The following PLIN3 variants were observed in gnomAD, a reference collection of about 807,000 sequenced individuals.
PLIN3 encodes perilipin-3.
A neutral mutation model predicts 35.9 loss-of-function variants in PLIN3; 30 were observed. The observed-to-expected ratio is 0.84, with a 90% CI of 0.62 to 1.13. The LOEUF is 1.13. Ranked by LOEUF, PLIN3 falls within the 50% of genes most tolerant of loss-of-function variation. The pLI is 0.00. For missense variants in PLIN3, 603 were observed against 596.9 expected, an observed-to-expected ratio of 1.01 and a Z score of -0.11; for synonymous variants, 261 against 262.5, an observed-to-expected ratio of 0.99 and a Z score of 0.06.
At position 4,839,186 on chromosome 19, in the gene PLIN3, C is replaced by G. The variant is rs1157587706; in HGVS notation, c.*6G>C. 1 of 1,593,662 alleles carries G rather than the reference C, an allele frequency of 6.3e-7. No individual in the cohort carries two copies. Among genetic ancestry groups the G allele is most frequent in the Admixed American group, 1.7e-5 (1 of 59,224 alleles). On this transcript the variant is annotated 3_prime_UTR_variant, in exon 8 of 8. Transcript: ENST00000221957. ...GACGGGGCCCGCTGAGTCCTCTCCT[C>G]TCCCCCTACTTCTTCTCCTCCGGGG... is the stretch of plus-strand genomic sequence containing the variant.
chr19:4,859,851 C>T lies in PLIN3; in HGVS notation c.240G>A (p.Pro80=), dbSNP rs370874870. 301 of 1,612,942 alleles carry T rather than the reference C, an allele frequency of 1.9e-4. No individual in the cohort carries two copies. Among genetic ancestry groups the T allele is most frequent in the Non-Finnish European group, 2.3e-4 (273 of 1,179,968 alleles). Residue 80 remains proline (P), a synonymous_variant, in exon 3 of 8, where the codon CCG becomes CCA. Coordinates refer to ENST00000221957, the MANE Select transcript of PLIN3 (RefSeq NM_005817.5). ...LTAAAVSGAQ[P]ILSKLEPQIA... is the part of the protein sequence containing the mutation. ...TCTGGGGCTCCAGCTTGGAGAGGAT[C>T]GGCTGAGCCCCGCTGACAGCAGCCG...
intron 7 of PLIN3, among the ~76,000 whole-genome samples, chr19:4,840,766 G>A (rs929964895): frequency 4.6e-5 from 7 of 152,100 alleles, no homozygotes; most frequent in Non-Finnish European, 8.8e-5. Flanking sequence ...CCAACATGGC[G>A]AAACCCGCAT....
chr19:4,840,774 C>T (rs942747627), intron 7 of PLIN3, among the ~76,000 whole-genome samples: 1 of 152,112 alleles, frequency 6.6e-6, no homozygotes, highest in African/African-American at 2.4e-5. Context: ...GCGAAACCCG[C>T]ATTTCTACTA....
chr19:4,864,462 T>TG (rs1436695285), intron 1 of PLIN3, among the ~76,000 whole-genome samples: 12 of 141,868 alleles, frequency 8.5e-5, no homozygotes, highest in Non-Finnish European at 1.8e-4. Flanking sequence ...TTTGTTTTTT[T>TG]TTTTGTTGTT....
intron 4 of PLIN3, among the ~76,000 whole-genome samples, chr19:4,853,044 C>T (rs931007007): frequency 6.6e-6 from 1 of 151,988 alleles, no homozygotes; most frequent in Non-Finnish European, 1.5e-5. Context: ...AAACTCCTGA[C>T]CTAGTGATCC....
At chr19:4,850,213 G>C (rs147745696) in intron 5 of PLIN3, among the ~76,000 whole-genome samples, 19 of 151,716 alleles carry the variant, frequency 1.3e-4, no homozygotes, top group African/African-American at 4.6e-4. Flanking sequence ...CAAAGTACTG[G>C]GATTACAGCC....
Position 4,859,628 on chromosome 19 carries a change from C to T in PLIN3, c.310G>A (p.Glu104Lys). Residue 104 changes from glutamate (E) to lysine (K), a missense_variant, in exon 4 of 8, where the codon GAG becomes AAG. Glu to Lys is a moderately conservative substitution (Grantham distance 56). Transcript: ENST00000221957. ...TGCTGCAGGATGGGGAGGTTCTCCT[C>T]CAACTTGTCCAGCCCCCTGTGGGCG... is the stretch of plus-strand genomic sequence containing the variant. Reference protein sequence around the residue: ...EYAHRGLDKLEENLPILQQPT... With the variant: ...EYAHRGLDKLKENLPILQQPT... 6.2e-7 allele frequency: 1 copy of T among 1,614,178 alleles called. No individual in the cohort carries two copies. The highest frequency in any genetic ancestry group is 1.1e-5 in the South Asian group (1 of 91,086).
intron 4 of PLIN3, among the ~76,000 whole-genome samples, chr19:4,854,632 C>T (rs2030413872): frequency 6.6e-6 from 1 of 152,038 alleles, no homozygotes; most frequent in Middle Eastern, 3.4e-3. Flanking sequence ...CCAACGCCCC[C>T]GATGAGAGTC....
At chr19:4,847,980 A>AGTTT in intron 5 of PLIN3, 90 bp from the exon 6 acceptor site, 1 of 910,338 alleles carries the variant, frequency 1.1e-6, no homozygotes, top group African/African-American at 1.7e-5. Context: ...CACACTGTCC[A>AGTTT]GTTTATTTAT....
intron 7 of PLIN3, 54 bp from the exon 8 acceptor site, chr19:4,839,590 T>C (rs1053653384): frequency 7.3e-7 from 1 of 1,368,674 alleles, no homozygotes; most frequent in Non-Finnish European, 9.7e-7. Context: ...GGAAAGGCGA[T>C]CGGAGCTGAA....
Position 4,839,027 on chromosome 19 carries a change from T to A in PLIN3, c.*165A>T, listed in dbSNP as rs1332919137. The stretch of plus-strand genomic sequence containing the variant: ...AAGCTCAGAGAGGCTGAGAGATGGG[T>A]CAACTGGGTGATGCCCGTTTTGAGA... On this transcript the variant is annotated 3_prime_UTR_variant, in exon 8 of 8. Transcript: ENST00000221957. 5.5e-6 allele frequency: 3 copies of A among 543,460 alleles called. No individual in the cohort carries two copies. In the African/African-American group the frequency reaches 5.6e-5, roughly 10 times the overall value. 33.7% of individuals were successfully genotyped at this position (543,460 alleles called of 1,614,324 possible).
At chr19:4,846,717 G>A (rs1173527838) in intron 6 of PLIN3, among the ~76,000 whole-genome samples, 2 of 151,874 alleles carry the variant, frequency 1.3e-5, no homozygotes, top group Non-Finnish European at 2.9e-5. Flanking sequence ...AAAGAGATTA[G>A]GACACAGACA....
intron 4 of PLIN3, among the ~76,000 whole-genome samples, chr19:4,853,417 G>T (rs535974846): frequency 6.6e-6 from 1 of 151,422 alleles, no homozygotes; most frequent in African/African-American, 2.4e-5. Context: ...CCTCTGCCAC[G>T]TGGGTTCAGG....
chr19:4,855,723 G>C (rs1408101622), intron 4 of PLIN3, among the ~76,000 whole-genome samples: 1 of 151,826 alleles, frequency 6.6e-6, no homozygotes, highest in Non-Finnish European at 1.5e-5. Context: ...GGGAGTTTGA[G>C]ACCAGCCTGG....
At chr19:4,844,391 A>C (rs923491532) in intron 7 of PLIN3, among the ~76,000 whole-genome samples, 2 of 152,068 alleles carry the variant, frequency 1.3e-5, no homozygotes, top group African/African-American at 4.8e-5. Flanking sequence ...ACTCGAACCC[A>C]GGAGGTGGAG....
Position 4,846,318 on chromosome 19 carries a change from G to GA in PLIN3, c.834+1372dup, listed in dbSNP as rs35248667. Among the ~76,000 whole-genome samples the GA allele has an allele frequency of 4.6e-3, 640 of 138,516 alleles. 5 individuals carry two copies. The highest frequency in any genetic ancestry group is 8.4e-3 in the African/African-American group (311 of 36,974). The allele number at this position is 138,516 out of a possible 152,430, so 90.9% of individuals were successfully genotyped here. On this transcript the variant is annotated intron_variant, in intron 6 of 7. Coordinates refer to ENST00000221957, the MANE Select transcript of PLIN3 (RefSeq NM_005817.5). ...GCAACAGAGTGAGCCCCTGTCTCTG[G>GA]AAAAAAAAAAAAAAAAATCGTCATA... is the stretch of plus-strand genomic sequence containing the variant.
chr19:4,856,997 G>A (rs1336930805), intron 4 of PLIN3, among the ~76,000 whole-genome samples: 3 of 152,048 alleles, frequency 2.0e-5, no homozygotes, highest in Admixed American at 6.6e-5. Context: ...GAGCCACCAC[G>A]CCTGGTCTGT....
chr19:4,856,023 G>A (rs1224430013), intron 4 of PLIN3, among the ~76,000 whole-genome samples: 1 of 152,070 alleles, frequency 6.6e-6, no homozygotes, highest in Non-Finnish European at 1.5e-5. Flanking sequence ...ACCATGATGG[G>A]ACAGCACAGC....
intron 7 of PLIN3, among the ~76,000 whole-genome samples, chr19:4,843,510 A>AAAATAAATAAATAAAT (rs111319930): frequency 0.18 from 25,273 of 139,244 alleles, 2,682 homozygotes; most frequent in Non-Finnish European, 0.23. Context: ...TCCATCTCAA[A>AAAATAAATAAATAAAT]AAATAAATAA....
Sources: gnomAD v4.1 joint callset for allele counts (sites outside exome capture counted in the v4.1 genomes callset) on GRCh38, gnomAD v4.1.1 for gene constraint, MANE v1.5 for transcripts, NCBI Gene and HGNC (gene_info 2026-07-23, HGNC 2026-07-21) for gene names.